WWOX: variants seen among roughly 807,000 people sequenced by gnomAD.
WWOX encodes WW domain containing oxidoreductase.
WWOX carries 69 observed loss-of-function variants against 46.2 expected under a neutral mutation model. The ratio of observed to expected loss-of-function variants is 1.49; its 90% confidence interval spans 1.23 to 1.82. The LOEUF is 1.82. Among genes scored for constraint, WWOX ranks in the 40% most tolerant of loss-of-function variants. WWOX has a pLI of 0.00. For synonymous variants in WWOX, 359 were observed against 202.6 expected (o/e 1.77, Z -6.56); for missense variants, 919 against 542.6 (o/e 1.69, Z -6.89).
At chr16:79,111,813 G>T (rs536978328) in intron 8 of WWOX, among the ~76,000 whole-genome samples, 1 of 152,234 alleles carries the variant, frequency 6.6e-6, no homozygotes, top group South Asian at 2.1e-4. Context: ...CATCCCATGA[G>T]CCCAGATGTG....
At chr16:78,935,618 A>T (rs1597173370) in intron 8 of WWOX, among the ~76,000 whole-genome samples, 1 of 137,448 alleles carries the variant, frequency 7.3e-6, no homozygotes, top group Non-Finnish European at 1.6e-5. Context: ...GGCTGGGGGG[A>T]GGGGAGAAGG....
intron 8 of WWOX, among the ~76,000 whole-genome samples, chr16:78,819,249 G>T (rs950024572): frequency 1.3e-5 from 2 of 152,156 alleles, no homozygotes; most frequent in Non-Finnish European, 2.9e-5. Context: ...CCCCAGTGAG[G>T]CAGCAGGTGG....
intron 8 of WWOX, among the ~76,000 whole-genome samples, chr16:78,727,258 G>A (rs553459871): frequency 2.0e-5 from 3 of 152,162 alleles, no homozygotes; most frequent in African/African-American, 7.2e-5. Context: ...AATTAGCTGG[G>A]TTTGGTGACA....
rs140871169 is a variant in WWOX at position 78,338,595 on chromosome 16, C to T, written c.517-48265C>T. The stretch of plus-strand genomic sequence containing the variant: ...TTATTTTTTCAATGCCTATTTTCTC[C>T]TGAATTTTCTGACGGAGTTAGAGAT... On this transcript the variant is annotated intron_variant, in intron 5 of 8. Transcript: ENST00000566780. Among the ~76,000 whole-genome samples the T allele has an allele frequency of 4.0e-3, 477 of 120,694 alleles. 148 individuals are homozygous for T. Among genetic ancestry groups the T allele is most frequent in the Non-Finnish European group, 7.6e-3 (383 of 50,586 alleles). 79.2% of individuals were successfully genotyped at this position (120,694 alleles called of 152,430 possible). A position where few individuals can be genotyped will look rare whatever the true frequency, so the allele number is the denominator to read the frequency against.
intron 1 of WWOX, among the ~76,000 whole-genome samples, chr16:78,103,971 G>C (rs978185547): frequency 6.6e-6 from 1 of 152,076 alleles, no homozygotes; most frequent in African/African-American, 2.4e-5. Flanking sequence ...GTGAGGTCGA[G>C]GTAGACCGGG....
chr16:78,746,053 C>G (rs898711642), intron 8 of WWOX, among the ~76,000 whole-genome samples: 7 of 152,084 alleles, frequency 4.6e-5, no homozygotes, highest in African/African-American at 1.2e-4. Context: ...GGGGGCTACT[C>G]TAAGAAGCCA....
intron 8 of WWOX, among the ~76,000 whole-genome samples, chr16:79,143,746 C>T (rs1009778457): frequency 9.9e-5 from 15 of 152,110 alleles, no homozygotes; most frequent in Non-Finnish European, 1.6e-4. Context: ...TGTCTCTATG[C>T]GCCCATGGGA....
chr16:79,146,310 C>T (rs1350102605), intron 8 of WWOX, among the ~76,000 whole-genome samples: 1 of 152,110 alleles, frequency 6.6e-6, no homozygotes, highest in Non-Finnish European at 1.5e-5. Context: ...ATTCTCCTAC[C>T]AGCAGAGCCT....
chr16:78,318,790 G>A (rs1033781178), intron 5 of WWOX, among the ~76,000 whole-genome samples: 2 of 152,148 alleles, frequency 1.3e-5, no homozygotes, highest in African/African-American at 4.8e-5. Flanking sequence ...GGGGATCCCT[G>A]TGATTTTTAC....
At chr16:78,697,116 T>A (rs1289126458) in intron 8 of WWOX, among the ~76,000 whole-genome samples, 1 of 152,270 alleles carries the variant, frequency 6.6e-6, no homozygotes, top group Non-Finnish European at 1.5e-5. Flanking sequence ...ATTGTTGTGC[T>A]GTAAACATGC....
chr16:78,536,961 G>C (rs2043774357), intron 8 of WWOX, among the ~76,000 whole-genome samples: 1 of 141,628 alleles, frequency 7.1e-6, no homozygotes, highest in Non-Finnish European at 1.5e-5. Context: ...CTGTCACCCA[G>C]ACTGGATTGC....
intron 8 of WWOX, among the ~76,000 whole-genome samples, chr16:78,976,932 G>C (rs187227646): frequency 6.6e-6 from 1 of 152,150 alleles, no homozygotes; most frequent in East Asian, 1.9e-4. Flanking sequence ...CCATCAGAAA[G>C]GAAGTAACTG....
intron 8 of WWOX, chr16:78,535,703 G>A (rs747475501): frequency 6.6e-6 from 1 of 152,186 alleles, no homozygotes; most frequent in Non-Finnish European, 1.5e-5. Context: ...TTGTTACAAT[G>A]TATGTTGTGG....
chr16:78,130,457 G>A (rs1283211658), intron 4 of WWOX, among the ~76,000 whole-genome samples: 1 of 152,182 alleles, frequency 6.6e-6, no homozygotes, highest in Admixed American at 6.5e-5. Flanking sequence ...TTAAAGAAAT[G>A]TCTGCTATTT....
intron 8 of WWOX, among the ~76,000 whole-genome samples, chr16:78,540,336 G>T (rs551201190): frequency 6.6e-6 from 1 of 151,894 alleles, no homozygotes; most frequent in South Asian, 2.1e-4. Flanking sequence ...TCTTGATTCT[G>T]AGCTTTGGTT....
chr16:78,814,290 C>A (rs55692572), intron 8 of WWOX, among the ~76,000 whole-genome samples: 28,366 of 151,996 alleles, frequency 0.19, 2,651 homozygotes, highest in Admixed American at 0.23. Context: ...CCCTCTTGTT[C>A]CTTTTTATCC....
At chr16:78,284,981 C>G (rs897613928) in intron 5 of WWOX, among the ~76,000 whole-genome samples, 1 of 152,178 alleles carries the variant, frequency 6.6e-6, no homozygotes, top group African/African-American at 2.4e-5. Flanking sequence ...GAAAATGGAA[C>G]TGATCTTTCT....
intron 8 of WWOX, chr16:78,780,491 G>A (rs2050298235): frequency 6.6e-6 from 1 of 152,190 alleles, no homozygotes; most frequent in Admixed American, 6.5e-5. Context: ...CCGTGATGCG[G>A]GGGAAGAAGA....
intron 6 of WWOX, among the ~76,000 whole-genome samples, chr16:78,398,460 A>G (rs774074647): frequency 6.6e-6 from 1 of 152,196 alleles, no homozygotes; most frequent in African/African-American, 2.4e-5. Flanking sequence ...AGAAAAACCA[A>G]GCTGGATTCA....
Sources: allele counts gnomAD v4.1 joint callset (sites outside exome capture counted in the v4.1 genomes callset), GRCh38; gene constraint gnomAD v4.1.1; transcripts MANE v1.5; gene names NCBI Gene and HGNC (gene_info 2026-07-23, HGNC 2026-07-21).